OSBPL1A: variants seen among roughly 807,000 people sequenced by gnomAD.
The protein encoded by OSBPL1A is oxysterol binding protein like 1A.
In OSBPL1A, 80 loss-of-function variants were observed where a neutral mutation model predicts 137.1. That is an observed-to-expected ratio of 0.58 (90% CI 0.49 to 0.70). The LOEUF (loss-of-function observed/expected upper bound fraction) is 0.70, where lower values mean the gene tolerates loss of function less well. Among genes scored for constraint, OSBPL1A ranks in the 30% least tolerant of loss-of-function variants. The pLI, the probability that OSBPL1A is intolerant of heterozygous loss-of-function variation, is 0.00. For missense variants in OSBPL1A, 970 were observed against 1,129.4 expected, an observed-to-expected ratio of 0.86 and a Z score of 2.02; for synonymous variants, 365 against 389.7, an observed-to-expected ratio of 0.94 and a Z score of 0.75.
Position 24,163,167 on chromosome 18 carries a change from C to A in OSBPL1A, c.*12G>T, listed in dbSNP as rs765726724. 1.6e-5 allele frequency: 26 copies of A among 1,581,948 alleles called. No individual in the cohort carries two copies. The African/African-American group carries it at 3.4e-4, about 21-fold the overall frequency. Reference sequence around the variant, plus strand: ...TTTGTAGATTAGCCAAACACCCTGACTTGTATGCATTTTAATAAATGTCAG... The same window carrying A: ...TTTGTAGATTAGCCAAACACCCTGAATTGTATGCATTTTAATAAATGTCAG... On this transcript the variant is annotated 3_prime_UTR_variant, in exon 28 of 28. Transcript: ENST00000319481.
In OSBPL1A at chr18:24,179,844, CA is replaced by C. The variant is rs1448893698; in HGVS notation, c.1813-10del. 1 of 1,612,236 alleles carries C rather than the reference CA, an allele frequency of 6.2e-7. No homozygotes were observed. On this transcript the variant is annotated splice_polypyrimidine_tract_variant and intron_variant, in intron 19 of 27. Coordinates refer to ENST00000319481, the MANE Select transcript of OSBPL1A (RefSeq NM_080597.4). ...GCAAACGCAGCTACACACTGTGGGA[CA>C]GAGCATGAGAACAAGTCAAAAATAG...
chr18:24,351,878 AAAAC>A (rs2091447411), intron 4 of OSBPL1A, among the ~76,000 whole-genome samples: 1 of 152,180 alleles, frequency 6.6e-6, no homozygotes, highest in Admixed American at 6.6e-5. Flanking sequence ...GCGTTATACC[AAAAC>A]AAACAAACAT....
chr18:24,353,941 T>C (rs9966019), intron 4 of OSBPL1A, among the ~76,000 whole-genome samples: 4 of 139,450 alleles, frequency 2.9e-5, no homozygotes, highest in Admixed American at 7.7e-5. Context: ...GGGGGAGGGA[T>C]AGCATTAGGA....
At position 24,175,115 on chromosome 18, in the gene OSBPL1A, T is replaced by TATATATATATAC. The variant is rs1567920067; in HGVS notation, c.2094-2633_2094-2632insGTATATATATAT. Among the ~76,000 whole-genome samples, 14 of 29,182 alleles carry TATATATATATAC rather than the reference T, an allele frequency of 4.8e-4. 1 individual carries two copies. The highest frequency in any genetic ancestry group is 8.9e-4 in the Admixed American group (2 of 2,258). The allele number at this position is 29,182 out of a possible 152,430, so 19.1% of individuals were successfully genotyped here. A position where few individuals can be genotyped will look rare whatever the true frequency, so the allele number is the denominator to read the frequency against. On this transcript the variant is annotated intron_variant, in intron 21 of 27. Coordinates refer to ENST00000319481, the MANE Select transcript of OSBPL1A (RefSeq NM_080597.4). The stretch of plus-strand genomic sequence containing the variant: ...CTTATTTGCCATGTGTATGTATATA[T>TATATATATATAC]ATATATATATATATATATATACACA...
rs373587056 is a variant in OSBPL1A at position 24,249,285 on chromosome 18, GTATAATGTATT to G, written c.1282-9914_1282-9904del. On this transcript the variant is annotated intron_variant, in intron 15 of 27. Transcript: ENST00000319481. Reference sequence around the variant, plus strand: ...CATTTCCAAATTTTTTCAGATTATGGTATAATGTATTTAAAATTTCAAAAGGGTTTTATGTA... The same window carrying G: ...CATTTCCAAATTTTTTCAGATTATGGTAAAATTTCAAAAGGGTTTTATGTA... Among the ~76,000 whole-genome samples, 17 of 152,250 alleles carry G rather than the reference GTATAATGTATT, an allele frequency of 1.1e-4. No homozygotes were observed. The East Asian group carries it at 2.1e-3, about 19-fold the overall frequency.
intron 14 of OSBPL1A, among the ~76,000 whole-genome samples, chr18:24,298,049 G>T (rs1357362131): frequency 1.3e-5 from 2 of 152,152 alleles, no homozygotes; most frequent in African/African-American, 4.8e-5. Flanking sequence ...GATAAAACAG[G>T]TTGCAGTAAA....
intron 15 of OSBPL1A, among the ~76,000 whole-genome samples, chr18:24,261,952 T>C (rs1391805940): frequency 1.3e-5 from 2 of 152,238 alleles, no homozygotes; most frequent in African/African-American, 2.4e-5. Context: ...GCAAGATGCA[T>C]TGTATTTGTG....
intron 17 of OSBPL1A, among the ~76,000 whole-genome samples, chr18:24,212,349 C>G (rs549635347): frequency 6.6e-6 from 1 of 152,062 alleles, no homozygotes; most frequent in South Asian, 2.1e-4. Context: ...TGAGACACCA[C>G]GCCCGGCCTT....
rs189242749 is a variant in OSBPL1A at position 24,372,603 on chromosome 18, C to T, written c.122-4231G>A. Among the ~76,000 whole-genome samples the T allele has an allele frequency of 1.4e-3, 212 of 152,304 alleles. 3 individuals carry two copies. Among genetic ancestry groups the T allele is most frequent in the Non-Finnish European group, 1.5e-4 (10 of 68,032 alleles). On this transcript the variant is annotated intron_variant, in intron 2 of 27. Coordinates refer to ENST00000319481, the MANE Select transcript of OSBPL1A (RefSeq NM_080597.4). ...CTTTTCACCCCACACTCAATTAGCTCGACTGACTCCAACTCCTAAATATTC... is the reference window on the plus strand; with the variant it reads ...CTTTTCACCCCACACTCAATTAGCTTGACTGACTCCAACTCCTAAATATTC...
At chr18:24,258,440 G>A (rs756686104) in intron 15 of OSBPL1A, among the ~76,000 whole-genome samples, 6 of 152,192 alleles carry the variant, frequency 3.9e-5, no homozygotes, top group Non-Finnish European at 8.8e-5. Flanking sequence ...AACACATGGA[G>A]ATAGAGAGGA....
intron 25 of OSBPL1A, 79 bp from the exon 26 acceptor site, chr18:24,166,781 T>C: frequency 1.4e-6 from 2 of 1,427,290 alleles, no homozygotes; most frequent in Middle Eastern, 1.9e-4. Context: ...TAGAAGAGGG[T>C]TGACTTGACA....
chr18:24,396,177 G>A (rs1412541573), intron 1 of OSBPL1A, among the ~76,000 whole-genome samples: 2 of 149,592 alleles, frequency 1.3e-5, no homozygotes, highest in Non-Finnish European at 3.0e-5. Context: ...CTGAGATCGC[G>A]CCACTGCACT....
intron 4 of OSBPL1A, among the ~76,000 whole-genome samples, chr18:24,351,767 T>C (rs962870990): frequency 2.0e-5 from 3 of 152,182 alleles, no homozygotes; most frequent in Admixed American, 1.3e-4. Flanking sequence ...CTGGAACTCC[T>C]GACCTCAGGT....
intron 17 of OSBPL1A, among the ~76,000 whole-genome samples, chr18:24,211,960 TC>T (rs1341231748): frequency 2.0e-5 from 3 of 152,008 alleles, no homozygotes; most frequent in African/African-American, 7.3e-5. Flanking sequence ...TTTCAACTAC[TC>T]TAAGGTTTTG....
At chr18:24,184,612 C>A (rs998146774) in intron 18 of OSBPL1A, among the ~76,000 whole-genome samples, 6 of 152,176 alleles carry the variant, frequency 3.9e-5, no homozygotes, top group African/African-American at 1.4e-4. Context: ...AGATTAGATT[C>A]TATTACCTAC....
chr18:24,281,125 G>A (rs2146074231), intron 14 of OSBPL1A, among the ~76,000 whole-genome samples, 177 bp from the exon 15 acceptor site: 1 of 151,852 alleles, frequency 6.6e-6, no homozygotes, highest in Non-Finnish European at 1.5e-5. Context: ...CTGCTCTGTT[G>A]CCTAGGCTGG....
At chr18:24,361,099 G>A (rs779136918) in intron 4 of OSBPL1A, among the ~76,000 whole-genome samples, 2 of 152,224 alleles carry the variant, frequency 1.3e-5, no homozygotes, top group Non-Finnish European at 2.9e-5. Flanking sequence ...GCACAACTGC[G>A]GCTCACTGCA....
intron 16 of OSBPL1A, among the ~76,000 whole-genome samples, chr18:24,226,782 A>C (rs1036602545): frequency 6.6e-6 from 1 of 152,194 alleles, no homozygotes; most frequent in African/African-American, 2.4e-5. Context: ...TACCTGCAGA[A>C]AGGCTTTTAA....
chr18:24,187,374 TGAA>T (rs1364964117), intron 18 of OSBPL1A, among the ~76,000 whole-genome samples: 2 of 152,092 alleles, frequency 1.3e-5, no homozygotes, highest in Non-Finnish European at 2.9e-5. Flanking sequence ...TTAAAAATGG[TGAA>T]GGTGGTGCCT....
Sources: allele counts gnomAD v4.1 joint callset (sites outside exome capture counted in the v4.1 genomes callset), GRCh38; gene constraint gnomAD v4.1.1; transcripts MANE v1.5; gene names NCBI Gene and HGNC (gene_info 2026-07-23, HGNC 2026-07-21).